Variants in OPCML observed in about 807,000 individuals in gnomAD.
OPCML encodes the protein opioid binding protein/cell adhesion molecule like.
In OPCML, 13 loss-of-function variants were observed where a neutral mutation model predicts 37.8. The ratio of observed to expected loss-of-function variants is 0.34; its 90% CI spans 0.22 to 0.55. The LOEUF (loss-of-function observed/expected upper bound fraction) is 0.55. Ranked by LOEUF, OPCML falls within the 20% of genes least tolerant of loss-of-function variation. The pLI is 0.91. For missense variants in OPCML, 341 were observed against 435.6 expected (o/e 0.78, Z 1.93); for synonymous variants, 176 against 168.8 (o/e 1.04, Z -0.33).
intron 1 of OPCML, among the ~76,000 whole-genome samples, chr11:133,267,567 C>G (rs1200836458): frequency 6.6e-6 from 1 of 152,100 alleles, no homozygotes; most frequent in Non-Finnish European, 1.5e-5. Flanking sequence ...GGAATTTTAT[C>G]AAATAATTGT....
chr11:133,262,171 C>A (rs1941515835), intron 1 of OPCML, among the ~76,000 whole-genome samples: 1 of 152,088 alleles, frequency 6.6e-6, no homozygotes, highest in Non-Finnish European at 1.5e-5. Context: ...GGCTCATGAA[C>A]CTATATGCAT....
At chr11:132,452,150 T>C (rs1342683195) in intron 4 of OPCML, among the ~76,000 whole-genome samples, 1 of 152,164 alleles carries the variant, frequency 6.6e-6, no homozygotes, top group Non-Finnish European at 1.5e-5. Flanking sequence ...GCCCTGCAAA[T>C]CCTCAATTCT....
chr11:132,449,969 G>A (rs1309660363), intron 4 of OPCML, among the ~76,000 whole-genome samples: 1 of 152,184 alleles, frequency 6.6e-6, no homozygotes, highest in East Asian at 1.9e-4. Context: ...TCTAGGAAGT[G>A]AAGTTTGGAG....
chr11:133,431,380 T>A (rs1304112880), intron 1 of OPCML, among the ~76,000 whole-genome samples: 1 of 152,236 alleles, frequency 6.6e-6, no homozygotes, highest in Non-Finnish European at 1.5e-5. Flanking sequence ...CTATTTGTTT[T>A]ACAAAATATT....
At chr11:132,988,335 C>T (rs1352324190) in intron 1 of OPCML, among the ~76,000 whole-genome samples, 1 of 152,140 alleles carries the variant, frequency 6.6e-6, no homozygotes, top group Non-Finnish European at 1.5e-5. Flanking sequence ...TAATTAGCTC[C>T]ATTGAATTGT....
intron 1 of OPCML, among the ~76,000 whole-genome samples, chr11:133,427,057 C>T (rs1946017765): frequency 6.6e-6 from 1 of 152,086 alleles, no homozygotes; most frequent in Non-Finnish European, 1.5e-5. Context: ...TTAACATCCT[C>T]AAATATAAGA....
chr11:132,585,256 AG>A (rs1253956521), intron 3 of OPCML, among the ~76,000 whole-genome samples: 3 of 152,074 alleles, frequency 2.0e-5, no homozygotes, highest in Admixed American at 2.0e-4. Flanking sequence ...AGCAGAACAG[AG>A]GGTTTTGCAA....
intron 1 of OPCML, among the ~76,000 whole-genome samples, chr11:133,401,456 CT>C (rs1322862700): frequency 6.6e-6 from 1 of 151,878 alleles, no homozygotes; most frequent in Non-Finnish European, 1.5e-5. Context: ...TATAATTTTC[CT>C]TTTATAATGG....
intron 3 of OPCML, among the ~76,000 whole-genome samples, chr11:132,569,484 G>A (rs1167275804): frequency 6.6e-6 from 1 of 152,162 alleles, no homozygotes; most frequent in African/African-American, 2.4e-5. Flanking sequence ...TAACAGAGAG[G>A]CATCCTTGAA....
chr11:132,807,390 G>T (rs1231673691), intron 2 of OPCML, among the ~76,000 whole-genome samples: 2 of 152,158 alleles, frequency 1.3e-5, no homozygotes, highest in African/African-American at 4.8e-5. Context: ...GCATTAATAA[G>T]TTATCCCCAT....
At chr11:133,198,613 G>A (rs1397546151) in intron 1 of OPCML, among the ~76,000 whole-genome samples, 1 of 152,192 alleles carries the variant, frequency 6.6e-6, no homozygotes, top group Non-Finnish European at 1.5e-5. Context: ...AAGCACTGTG[G>A]AGAGGTGGAC....
intron 1 of OPCML, among the ~76,000 whole-genome samples, chr11:133,112,795 A>G (rs778739441): frequency 2.6e-5 from 4 of 152,174 alleles, no homozygotes; most frequent in Non-Finnish European, 4.4e-5. Context: ...TAGGAGAGCC[A>G]AGGGCGAGCA....
chr11:132,784,752 A>C (rs563801277), intron 2 of OPCML, among the ~76,000 whole-genome samples: 1 of 152,228 alleles, frequency 6.6e-6, no homozygotes, highest in East Asian at 1.9e-4. Flanking sequence ...GATCTGTTGA[A>C]AAGAGCCTGG....
At chr11:132,693,463 G>C (rs1223530592) in intron 2 of OPCML, among the ~76,000 whole-genome samples, 1 of 152,142 alleles carries the variant, frequency 6.6e-6, no homozygotes, top group East Asian at 1.9e-4. Context: ...GATTTCATCA[G>C]AAACATGCAG....
At chr11:132,881,393 A>G (rs757071687) in intron 2 of OPCML, among the ~76,000 whole-genome samples, 21 of 152,176 alleles carry the variant, frequency 1.4e-4, no homozygotes, top group South Asian at 8.3e-4. Context: ...GGCATGAAGC[A>G]CAAACAATGC....
rs572901353 is a variant in OPCML, at chr11:133,031,485, G to A, written c.62-88475C>T. On this transcript the variant is annotated intron_variant, in intron 1 of 7. Coordinates refer to ENST00000524381, the MANE Select transcript of OPCML (RefSeq NM_001012393.5). ...TGGTTGGTTGGATGGGTAGGTGAAT[G>A]GATGGATGGATGGTTGGTTGGATGG... is the stretch of plus-strand genomic sequence containing the variant. 2.8e-4 allele frequency among the ~76,000 whole-genome samples: 42 copies of A among 150,916 alleles called. 1 individual carries two copies. Among genetic ancestry groups the A allele is most frequent in the African/African-American group, 7.8e-4 (32 of 41,124 alleles).
chr11:132,568,508 T>A (rs2096429687), intron 3 of OPCML, among the ~76,000 whole-genome samples: 3 of 152,094 alleles, frequency 2.0e-5, no homozygotes, highest in African/African-American at 7.2e-5. Context: ...GATGTCCTTA[T>A]AAGAAGAGAG....
chr11:133,368,644 CT>C (rs1190682979), intron 1 of OPCML, among the ~76,000 whole-genome samples: 1 of 152,260 alleles, frequency 6.6e-6, no homozygotes, highest in East Asian at 1.9e-4. Context: ...GACTTTTTAT[CT>C]TTTTTATCTA....
At chr11:132,960,937 G>A (rs780491031) in intron 1 of OPCML, among the ~76,000 whole-genome samples, 1 of 152,134 alleles carries the variant, frequency 6.6e-6, no homozygotes, top group Non-Finnish European at 1.5e-5. Context: ...AGGACACAGC[G>A]GGGCTGAGGG....
Sources: gnomAD v4.1 joint callset for allele counts (sites outside exome capture counted in the v4.1 genomes callset) on GRCh38, gnomAD v4.1.1 for gene constraint, MANE v1.5 for transcripts, NCBI Gene and HGNC (gene_info 2026-07-23, HGNC 2026-07-21) for gene names.